BRINP1: variants seen among roughly 807,000 people sequenced by gnomAD.
BRINP1 encodes the protein BMP/retinoic acid inducible neural specific 1.
A neutral mutation model predicts 72.9 loss-of-function variants in BRINP1; 17 were observed. The observed-to-expected ratio is 0.23, with a 90% CI of 0.16 to 0.35. The LOEUF is 0.35. Among genes scored for constraint, BRINP1 ranks in the 10% least tolerant of loss-of-function variants. The probability of loss-of-function intolerance (pLI) is 1.00; values close to 1 mark genes in which losing one functional copy is unlikely to be tolerated. For synonymous variants in BRINP1, 418 were observed against 378.5 expected (o/e 1.10, Z -1.21); for missense variants, 850 against 1,001.6 (o/e 0.85, Z 2.04).
At chr9:119,196,386 T>C (rs1267058767) in intron 7 of BRINP1, among the ~76,000 whole-genome samples, 1 of 152,138 alleles carries the variant, frequency 6.6e-6, no homozygotes, top group Non-Finnish European at 1.5e-5. Flanking sequence ...CTGAATCCTC[T>C]TACACCCAAA....
At chr9:119,250,061 G>GGGGA (rs1297021758) in intron 2 of BRINP1, among the ~76,000 whole-genome samples, 2 of 92,394 alleles carry the variant, frequency 2.2e-5, no homozygotes, top group Non-Finnish European at 4.9e-5. Context: ...AGGGAGGGAG[G>GGGGA]GAAGAAGGAA....
chr9:119,198,927 C>A (rs1472799433), intron 7 of BRINP1, among the ~76,000 whole-genome samples: 2 of 152,124 alleles, frequency 1.3e-5, no homozygotes, highest in African/African-American at 4.8e-5. Flanking sequence ...CTAGCCTCGG[C>A]CTCCCAAAGT....
intron 1 of BRINP1, among the ~76,000 whole-genome samples, chr9:119,344,284 T>C (rs1453114484): frequency 2.6e-5 from 4 of 152,190 alleles, no homozygotes; most frequent in Non-Finnish European, 5.9e-5. Flanking sequence ...AAATGCTCAA[T>C]AAATATACAT....
chr9:119,249,856 G>GAAAGGAAGGA (rs1830362066), intron 2 of BRINP1, among the ~76,000 whole-genome samples: 2 of 16,204 alleles, frequency 1.2e-4, no homozygotes, highest in African/African-American at 6.9e-4. Flanking sequence ...GGAAGGAAGG[G>GAAAGGAAGGA]AGGGAGGGAG....
intron 6 of BRINP1, 168 bp downstream of exon 6, chr9:119,213,751 G>A (rs1829951718): frequency 1.5e-6 from 1 of 670,638 alleles, no homozygotes. Flanking sequence ...GAGATTTATT[G>A]AGTGCCTGCT....
intron 1 of BRINP1, among the ~76,000 whole-genome samples, chr9:119,353,825 T>G (rs1259374475): frequency 7.0e-5 from 4 of 57,048 alleles, no homozygotes; most frequent in South Asian, 5.0e-4. Context: ...TTGAGCACTT[T>G]TTTTTTTTTT....
At chr9:119,305,283 T>C (rs1484620473) in intron 2 of BRINP1, among the ~76,000 whole-genome samples, 1 of 152,218 alleles carries the variant, frequency 6.6e-6, no homozygotes, top group African/African-American at 2.4e-5. Flanking sequence ...AAAATGTATT[T>C]GTTCACATGT....
intron 1 of BRINP1, among the ~76,000 whole-genome samples, chr9:119,351,695 C>T (rs1330121766): frequency 6.6e-6 from 1 of 152,202 alleles, no homozygotes; most frequent in African/African-American, 2.4e-5. Context: ...GGCTTATTTT[C>T]TGACATGACA....
chr9:119,307,141 C>A (rs1043259760), intron 2 of BRINP1, among the ~76,000 whole-genome samples: 1 of 151,608 alleles, frequency 6.6e-6, no homozygotes, highest in Non-Finnish European at 1.5e-5. Flanking sequence ...TTGCTACCCA[C>A]GAGATGCCAG....
chr9:119,271,993 C>A (rs186911437), intron 2 of BRINP1, among the ~76,000 whole-genome samples: 1 of 151,336 alleles, frequency 6.6e-6, no homozygotes, highest in Non-Finnish European at 1.5e-5. Flanking sequence ...AATCTTGTTT[C>A]CCCTTTTAAA....
At position 119,167,925 on chromosome 9, in the gene BRINP1, T is replaced by G; in HGVS notation, c.1445A>C (p.Asp482Ala). The change falls in exon 8 of 8, where the codon GAC (aspartate) becomes GCC (alanine). Residue 482 changes from aspartate (D) to alanine (A), a missense_variant. By Grantham distance (126) the Asp-to-Ala change is moderately radical (BLOSUM62 -2). Coordinates refer to ENST00000265922, the MANE Select transcript of BRINP1 (RefSeq NM_014618.3). The surrounding 1 kb of genome is among the most constrained non-coding windows in gnomAD (Gnocchi z 4.3). The part of the protein sequence containing the change: ...EQFISFETDL[D>A]FQDLELKYLL... ...GTACTTCAGCTCCAGGTCCTGGAAGTCCAGGTCAGTCTCAAAGCTGATGAA... is the reference window on the plus strand; with the variant it reads ...GTACTTCAGCTCCAGGTCCTGGAAGGCCAGGTCAGTCTCAAAGCTGATGAA... 6.2e-7 allele frequency: 1 copy of G among 1,614,188 alleles called. No homozygotes were observed. The highest frequency in any genetic ancestry group is 1.7e-5 in the Admixed American group (1 of 60,032).
At chr9:119,340,751 T>A (rs1035304695) in intron 1 of BRINP1, among the ~76,000 whole-genome samples, 1 of 152,198 alleles carries the variant, frequency 6.6e-6, no homozygotes, top group Non-Finnish European at 1.5e-5. Context: ...AGTAAACTTG[T>A]GATTCATGTT....
chr9:119,363,810 T>C (rs1482970067), intron 1 of BRINP1, among the ~76,000 whole-genome samples: 3 of 152,178 alleles, frequency 2.0e-5, no homozygotes, highest in African/African-American at 7.2e-5. Context: ...AAATTAAATA[T>C]TCAGTTCATC....
At chr9:119,260,364 C>G (rs1830484415) in intron 2 of BRINP1, among the ~76,000 whole-genome samples, 1 of 152,164 alleles carries the variant, frequency 6.6e-6, no homozygotes. Flanking sequence ...CAACAGAGAC[C>G]AGAAGGCCCA....
At chr9:119,217,531 A>G (rs1245540128) in intron 5 of BRINP1, among the ~76,000 whole-genome samples, 1 of 152,176 alleles carries the variant, frequency 6.6e-6, no homozygotes, top group Non-Finnish European at 1.5e-5. Flanking sequence ...CTTTTTATAT[A>G]TTAAAATAAT....
intron 2 of BRINP1, chr9:119,283,029 T>C: frequency 5.5e-5 from 54 of 985,396 alleles, no homozygotes; most frequent in Non-Finnish European, 6.5e-5. Context: ...AAAGCAGAAA[T>C]TGATGACAGG....
intron 2 of BRINP1, among the ~76,000 whole-genome samples, chr9:119,264,926 C>T (rs535784753): frequency 6.6e-6 from 1 of 152,302 alleles, no homozygotes; most frequent in African/African-American, 2.4e-5. Flanking sequence ...CTGCCTTGGC[C>T]TCCCCAAGTG....
At chr9:119,217,934 TCTC>T (rs1829996600) in intron 5 of BRINP1, among the ~76,000 whole-genome samples, 1 of 152,060 alleles carries the variant, frequency 6.6e-6, no homozygotes, top group Non-Finnish European at 1.5e-5. Context: ...CCGAATATTC[TCTC>T]CTCAGATTTC....
intron 1 of BRINP1, among the ~76,000 whole-genome samples, chr9:119,337,578 T>C (rs1193819935): frequency 6.6e-6 from 1 of 152,248 alleles, no homozygotes; most frequent in East Asian, 1.9e-4. Context: ...AACATCTTAA[T>C]TAAAAGCCCA....
Sources: gnomAD v4.1 joint callset for allele counts (sites outside exome capture counted in the v4.1 genomes callset) on GRCh38, gnomAD v4.1.1 for gene constraint, Gnocchi (gnomAD v3.1) non-coding constraint, MANE v1.5 for transcripts, NCBI Gene and HGNC (gene_info 2026-07-23, HGNC 2026-07-21) for gene names.